The following PDE1C variants were observed in gnomAD, a reference collection of about 807,000 sequenced individuals.
PDE1C encodes dual specificity calcium/calmodulin-dependent 3',5'-cyclic nucleotide phosphodiesterase 1C.
A neutral mutation model predicts 93.1 loss-of-function variants in PDE1C; 62 were observed. The ratio of observed to expected loss-of-function variants is 0.67; its 90% CI spans 0.54 to 0.82. The LOEUF (loss-of-function observed/expected upper bound fraction) is 0.82. PDE1C is among the 40% of genes least tolerant of loss of function. The pLI is 0.00. For synonymous variants in PDE1C, 325 were observed against 310.1 expected (o/e 1.05, Z -0.50); for missense variants, 742 against 884.6 (o/e 0.84, Z 2.04).
intron 2 of PDE1C, among the ~76,000 whole-genome samples, chr7:32,180,708 T>C (rs777656203): frequency 6.6e-6 from 1 of 152,232 alleles, no homozygotes; most frequent in Non-Finnish European, 1.5e-5. Context: ...GCAACACAAA[T>C]GGCGTAAGAC....
intron 1 of PDE1C, among the ~76,000 whole-genome samples, chr7:32,338,658 C>G (rs937194092): frequency 3.9e-5 from 6 of 152,116 alleles, no homozygotes; most frequent in Admixed American, 3.9e-4. Flanking sequence ...TTGAACACAG[C>G]GTCTCAAAGA....
At chr7:32,296,485 G>A (rs62457504) in intron 1 of PDE1C, among the ~76,000 whole-genome samples, 9,882 of 152,336 alleles carry the variant, frequency 0.065, 436 homozygotes, top group Non-Finnish European at 0.093. Flanking sequence ...GGGGAGGGAA[G>A]AAGAATAAGT....
chr7:31,948,835 A>T (rs1242772711), intron 2 of PDE1C, among the ~76,000 whole-genome samples: 2 of 152,174 alleles, frequency 1.3e-5, no homozygotes, highest in Non-Finnish European at 2.9e-5. Context: ...AAGATCCACA[A>T]CAAGCCCCAA....
At chr7:32,232,500 C>A (rs11764155) in intron 1 of PDE1C, among the ~76,000 whole-genome samples, 2 of 152,132 alleles carry the variant, frequency 1.3e-5, no homozygotes, top group South Asian at 2.1e-4. Context: ...GCCCAGTGGC[C>A]TGAAATTCAG....
chr7:32,343,496 T>A (rs73316152), intron 1 of PDE1C, among the ~76,000 whole-genome samples: 107 of 152,296 alleles, frequency 7.0e-4, no homozygotes, highest in African/African-American at 2.5e-3. Context: ...TGTCCAAGCT[T>A]CATCTGCCAA....
intron 1 of PDE1C, among the ~76,000 whole-genome samples, chr7:32,374,230 A>AG (rs1784385881): frequency 2.6e-4 from 37 of 140,470 alleles, no homozygotes; most frequent in African/African-American, 9.1e-4. Flanking sequence ...GAAAGAAAGA[A>AG]AAAGAAAGAA....
chr7:32,164,678 C>T (rs1337917460), intron 3 of PDE1C, among the ~76,000 whole-genome samples: 1 of 152,150 alleles, frequency 6.6e-6, no homozygotes, highest in African/African-American at 2.4e-5. Context: ...GCACAGTCCT[C>T]GGCACATAGC....
the PDE1C span, among the ~76,000 whole-genome samples, chr7:31,739,000 C>T: frequency 1.9e-4 from 28 of 149,310 alleles, no homozygotes; most frequent in African/African-American, 6.4e-4. Context: ...CCTTCCCCCA[C>T]ACCCCTGCCC....
the PDE1C span, among the ~76,000 whole-genome samples, chr7:31,641,814 G>A: frequency 0.72 from 109,257 of 152,106 alleles, 39,888 homozygotes; most frequent in East Asian, 0.83. Flanking sequence ...TATATAAAAT[G>A]TGGTCTTTCA....
the PDE1C span, among the ~76,000 whole-genome samples, chr7:31,743,792 C>T: frequency 9.9e-5 from 15 of 152,246 alleles, no homozygotes; most frequent in East Asian, 2.9e-3. Context: ...TCAGCCAGGG[C>T]TGGTGTAGCA....
chr7:31,726,209 C>A, the PDE1C span, among the ~76,000 whole-genome samples: 1 of 151,602 alleles, frequency 6.6e-6, no homozygotes, highest in South Asian at 2.1e-4. Context: ...GTTAGGACTG[C>A]AGGTGTGCAC....
intron 3 of PDE1C, among the ~76,000 whole-genome samples, chr7:32,155,161 T>C (rs572165995): frequency 6.6e-6 from 1 of 152,294 alleles, no homozygotes; most frequent in African/African-American, 2.4e-5. Flanking sequence ...TTCTGCCTCA[T>C]TGCTGGACCA....
chr7:31,692,603 C>G, the PDE1C span: 1 of 1,364,078 alleles, frequency 7.3e-7, no homozygotes, highest in Non-Finnish European at 1.0e-6. Flanking sequence ...GCAGGCAAGT[C>G]AGAGAGAGGG....
At chr7:31,847,799 G>GACAT (rs1353081318) in intron 9 of PDE1C, 169 bp downstream of exon 9, 1 of 649,392 alleles carries the variant, frequency 1.5e-6, no homozygotes, top group Non-Finnish European at 2.7e-6. Flanking sequence ...AGAGAAATAA[G>GACAT]ACATACATAC....
chr7:31,780,448 TGTTCCATC>T (rs1430159632), intron 16 of PDE1C, among the ~76,000 whole-genome samples: 1 of 152,230 alleles, frequency 6.6e-6, no homozygotes, highest in Non-Finnish European at 1.5e-5. Flanking sequence ...TGCCCTGGTT[TGTTCCATC>T]TATGCTAGCT....
At chr7:31,833,203 T>G (rs912863560) in intron 11 of PDE1C, among the ~76,000 whole-genome samples, 2 of 152,238 alleles carry the variant, frequency 1.3e-5, no homozygotes, top group Non-Finnish European at 2.9e-5. Context: ...AAGACATCCC[T>G]TTGTTTTTCC....
chr7:31,674,568 A>T, the PDE1C span, among the ~76,000 whole-genome samples: 3 of 152,272 alleles, frequency 2.0e-5, no homozygotes, highest in African/African-American at 7.2e-5. Flanking sequence ...TGATATAGAG[A>T]TAGAAAAATT....
chr7:32,249,341 C>T (rs188150110), intron 1 of PDE1C, among the ~76,000 whole-genome samples: 2 of 151,774 alleles, frequency 1.3e-5, no homozygotes, highest in African/African-American at 4.8e-5. Flanking sequence ...AGGTGGTAAA[C>T]GCAAGCAGAA....
intron 1 of PDE1C, among the ~76,000 whole-genome samples, chr7:32,060,872 CAGTT>C (rs1416413948): frequency 2.0e-5 from 3 of 152,152 alleles, no homozygotes; most frequent in Non-Finnish European, 2.9e-5. Flanking sequence ...AAATTCCTCA[CAGTT>C]AGCAGACACG....
Sources: allele counts gnomAD v4.1 joint callset (sites outside exome capture counted in the v4.1 genomes callset), GRCh38; gene constraint gnomAD v4.1.1; transcripts MANE v1.5; gene names NCBI Gene and HGNC (gene_info 2026-07-23, HGNC 2026-07-21).